NEGR1: variants seen among roughly 807,000 people sequenced by gnomAD.
The protein encoded by NEGR1 is IgLON family member 4.
A neutral mutation model predicts 40.9 loss-of-function variants in NEGR1; 10 were observed. That is an observed-to-expected ratio of 0.24 (90% CI 0.15 to 0.42). The LOEUF (loss-of-function observed/expected upper bound fraction) is 0.42. Among genes scored for constraint, NEGR1 ranks in the 10% least tolerant of loss-of-function variants. NEGR1 has a pLI of 1.00. For missense variants in NEGR1, 352 were observed against 438.9 expected, an observed-to-expected ratio of 0.80 and a Z score of 1.77; for synonymous variants, 185 against 166.8, an observed-to-expected ratio of 1.11 and a Z score of -0.84.
At chr1:71,696,028 C>T (rs963206508) in intron 4 of NEGR1, among the ~76,000 whole-genome samples, 4 of 151,726 alleles carry the variant, frequency 2.6e-5, no homozygotes, top group Non-Finnish European at 5.9e-5. Context: ...AAAATGACAA[C>T]ACTCTGACTA....
intron 1 of NEGR1, among the ~76,000 whole-genome samples, chr1:72,273,243 T>C (rs960494041): frequency 6.6e-6 from 1 of 152,042 alleles, no homozygotes; most frequent in Non-Finnish European, 1.5e-5. Context: ...CTTTTTACAA[T>C]TGAGTTATTC....
At chr1:71,598,850 C>G (rs1649824929) in intron 5 of NEGR1, among the ~76,000 whole-genome samples, 1 of 152,132 alleles carries the variant, frequency 6.6e-6, no homozygotes, top group South Asian at 2.1e-4. Context: ...ACGTCAAATA[C>G]TTCTTTTTCT....
intron 1 of NEGR1, among the ~76,000 whole-genome samples, chr1:72,206,279 A>C (rs947476811): frequency 2.0e-5 from 3 of 152,046 alleles, no homozygotes; most frequent in African/African-American, 7.2e-5. Flanking sequence ...GAGCCTTGGC[A>C]CAAATATATT....
intron 6 of NEGR1, among the ~76,000 whole-genome samples, chr1:71,550,435 A>G (rs1648038191): frequency 6.6e-6 from 1 of 151,484 alleles, no homozygotes; most frequent in Non-Finnish European, 1.5e-5. Context: ...GCTCCTGGCA[A>G]GGTTCAGAGT....
chr1:72,099,306 A>T (rs115795086), intron 1 of NEGR1, among the ~76,000 whole-genome samples: 207 of 152,070 alleles, frequency 1.4e-3, no homozygotes, highest in African/African-American at 4.9e-3. Flanking sequence ...TGCTTTTCCT[A>T]TCCTAGCTTA....
At chr1:71,992,754 A>C (rs1169780112) in intron 1 of NEGR1, among the ~76,000 whole-genome samples, 1 of 152,210 alleles carries the variant, frequency 6.6e-6, no homozygotes, top group Admixed American at 6.5e-5. Flanking sequence ...AAATCCATTC[A>C]ATAATAAATC....
At chr1:71,675,112 C>CATATATATATATATATATATATAT (rs1553157758) in intron 4 of NEGR1, among the ~76,000 whole-genome samples, 4,394 of 44,882 alleles carry the variant, frequency 0.098, 724 homozygotes, top group Non-Finnish European at 0.17. Context: ...CATGTTTATT[C>CATATATATATATATATATATATAT]ATATATATAT....
At chr1:72,282,152 G>C (rs958760140) in intron 1 of NEGR1, among the ~76,000 whole-genome samples, 167 bp downstream of exon 1, 6 of 152,160 alleles carry the variant, frequency 3.9e-5, no homozygotes, top group Non-Finnish European at 8.8e-5. Context: ...CAGCATAAAC[G>C]GGCCGGGGCT....
intron 6 of NEGR1, among the ~76,000 whole-genome samples, chr1:71,523,600 T>C (rs1212396505): frequency 6.6e-6 from 1 of 151,882 alleles, no homozygotes; most frequent in Non-Finnish European, 1.5e-5. Flanking sequence ...CTACTGATGC[T>C]GGCTAGATGA....
intron 6 of NEGR1, among the ~76,000 whole-genome samples, chr1:71,530,365 T>C (rs1001264238): frequency 1.3e-5 from 2 of 151,324 alleles, no homozygotes; most frequent in African/African-American, 2.4e-5. Flanking sequence ...CTTAGTTATA[T>C]ATTGCCAAAT....
intron 1 of NEGR1, among the ~76,000 whole-genome samples, chr1:72,145,879 T>A (rs1298653607): frequency 6.6e-6 from 1 of 152,176 alleles, no homozygotes; most frequent in Non-Finnish European, 1.5e-5. Flanking sequence ...TTTTACTAAC[T>A]CCATCCATAT....
At chr1:71,597,531 T>C (rs2101527792) in intron 5 of NEGR1, among the ~76,000 whole-genome samples, 1 of 141,724 alleles carries the variant, frequency 7.1e-6, no homozygotes, top group Non-Finnish European at 1.5e-5. Flanking sequence ...GTATTTCTAG[T>C]CTTTTCAATG....
At chr1:71,635,529 G>A (rs1275295107) in intron 4 of NEGR1, among the ~76,000 whole-genome samples, 1 of 152,006 alleles carries the variant, frequency 6.6e-6, no homozygotes, top group East Asian at 1.9e-4. Context: ...AGAGAGTTGA[G>A]GATAGATTGG....
intron 2 of NEGR1, among the ~76,000 whole-genome samples, chr1:71,910,322 G>T (rs1220698675): frequency 6.6e-6 from 1 of 152,180 alleles, no homozygotes; most frequent in Non-Finnish European, 1.5e-5. Flanking sequence ...AATACTTTGG[G>T]AAGGATCTTG....
At chr1:72,205,546 T>C (rs958600616) in intron 1 of NEGR1, among the ~76,000 whole-genome samples, 1 of 130,314 alleles carries the variant, frequency 7.7e-6, no homozygotes, top group African/African-American at 3.2e-5. Flanking sequence ...AATGCCTTGC[T>C]ACATTTTTTT....
chr1:72,268,577 C>A (rs1394199597), intron 1 of NEGR1, among the ~76,000 whole-genome samples: 1 of 151,266 alleles, frequency 6.6e-6, no homozygotes, highest in Admixed American at 6.6e-5. Context: ...TGCATAAATG[C>A]TGAAATTGGG....
chr1:71,731,525 T>G (rs895190591), intron 3 of NEGR1, among the ~76,000 whole-genome samples: 1 of 152,368 alleles, frequency 6.6e-6, no homozygotes, highest in African/African-American at 2.4e-5. Context: ...CTAATAGAGA[T>G]AATTATTTTG....
Position 72,205,787 on chromosome 1 carries a change from C to G in NEGR1, c.176+76532G>C, listed in dbSNP as rs892125091. On this transcript the variant is annotated intron_variant, in intron 1 of 6. Coordinates refer to ENST00000357731, the MANE Select transcript of NEGR1 (RefSeq NM_173808.3). ...AAAAAAAAAAAAAAAAAAAAAAATACAAAAATTAGTCAGGCATGGTGGTGC... is the reference window on the plus strand; with the variant it reads ...AAAAAAAAAAAAAAAAAAAAAAATAGAAAAATTAGTCAGGCATGGTGGTGC... 1.9e-4 allele frequency among the ~76,000 whole-genome samples: 17 copies of G among 90,024 alleles called. No homozygotes were observed. In the Admixed American group the frequency reaches 2.0e-3, roughly 10 times the overall value. The allele number at this position is 90,024 out of a possible 152,430, so 59.1% of individuals were successfully genotyped here.
chr1:71,597,540 T>C (rs1482385111), intron 5 of NEGR1, among the ~76,000 whole-genome samples: 1 of 150,118 alleles, frequency 6.7e-6, no homozygotes, highest in Non-Finnish European at 1.5e-5. Context: ...GTCTTTTCAA[T>C]GTGACCAGGA....
Sources: gnomAD v4.1 joint callset for allele counts (sites outside exome capture counted in the v4.1 genomes callset) on GRCh38, gnomAD v4.1.1 for gene constraint, MANE v1.5 for transcripts, NCBI Gene and HGNC (gene_info 2026-07-23, HGNC 2026-07-21) for gene names.